The following DGKI variants were observed in gnomAD, a reference collection of about 807,000 sequenced individuals.
The protein encoded by DGKI is DAG kinase iota.
In DGKI, 55 loss-of-function variants were observed where a neutral mutation model predicts 147.5. That is an observed-to-expected ratio of 0.37 (90% confidence interval 0.30 to 0.47). DGKI has a LOEUF of 0.47. Among genes scored for constraint, DGKI ranks in the 20% least tolerant of loss-of-function variants. DGKI has a pLI of 1.00. For synonymous variants in DGKI, 469 were observed against 477.1 expected (o/e 0.98, Z 0.22); for missense variants, 1,007 against 1,323.8 (o/e 0.76, Z 3.71).
intron 6 of DGKI, among the ~76,000 whole-genome samples, chr7:137,632,692 A>C (rs972494645): frequency 2.6e-5 from 4 of 151,992 alleles, no homozygotes; most frequent in African/African-American, 7.2e-5. Flanking sequence ...CCCCGTCTCC[A>C]CTAAAAATAC....
At chr7:137,707,946 C>T (rs747945557) in intron 1 of DGKI, among the ~76,000 whole-genome samples, 1 of 152,138 alleles carries the variant, frequency 6.6e-6, no homozygotes, top group African/African-American at 2.4e-5. Flanking sequence ...TTTTTTGCCT[C>T]CAAATCTCCC....
intron 1 of DGKI, among the ~76,000 whole-genome samples, chr7:137,724,717 C>A (rs1290014746): frequency 6.6e-6 from 1 of 152,118 alleles, no homozygotes; most frequent in Non-Finnish European, 1.5e-5. Flanking sequence ...TGGTTTTGAA[C>A]AAATTGAGTT....
intron 17 of DGKI, among the ~76,000 whole-genome samples, chr7:137,576,676 A>T (rs1424847850): frequency 6.6e-6 from 1 of 152,218 alleles, no homozygotes; most frequent in Non-Finnish European, 1.5e-5. Flanking sequence ...TACACAAAAA[A>T]TCCATCTAGT....
In DGKI at chr7:137,743,705, C is replaced by T. The variant is rs914969190; in HGVS notation, c.402-53703G>A. Among the ~76,000 whole-genome samples the T allele has an allele frequency of 6.6e-5, 10 of 152,188 alleles. No homozygotes were observed. The East Asian group carries it at 7.7e-4, about 12-fold the overall frequency. On this transcript the variant is annotated intron_variant, in intron 1 of 32. Coordinates refer to ENST00000614521, the MANE Select transcript of DGKI (RefSeq NM_001321708.2). ...AAAACAAGAACAAACTAATCTTGGC[C>T]GGGCGCGGTGGCTGACACCTGTAAT...
chr7:137,618,151 A>ATATATATATATATATATTTTTT, intron 8 of DGKI, among the ~76,000 whole-genome samples: 9 of 10,462 alleles, frequency 8.6e-4, no homozygotes, highest in Admixed American at 3.6e-3. Context: ...ATATATATAT[A>ATATATATATATATATATTTTTT]TTTTTTTTTT....
At chr7:137,594,219 A>G (rs2128986739) in intron 12 of DGKI, among the ~76,000 whole-genome samples, 1 of 152,174 alleles carries the variant, frequency 6.6e-6, no homozygotes, top group East Asian at 1.9e-4. Flanking sequence ...ACTAATTTTT[A>G]TATTTTTAAT....
intron 27 of DGKI, among the ~76,000 whole-genome samples, chr7:137,450,262 A>C (rs1229568227): frequency 6.6e-6 from 1 of 152,216 alleles, no homozygotes; most frequent in Non-Finnish European, 1.5e-5. Context: ...ATTCTTAAAA[A>C]ATGCTAAGAG....
At chr7:137,795,364 C>A (rs1437670040) in intron 1 of DGKI, among the ~76,000 whole-genome samples, 1 of 152,168 alleles carries the variant, frequency 6.6e-6, no homozygotes, top group Non-Finnish European at 1.5e-5. Context: ...GGCCCATCCT[C>A]AGAGAATTAT....
At position 137,603,301 on chromosome 7, in the gene DGKI, A is replaced by C. The variant is rs376714992; in HGVS notation, c.1168-3396T>G. ...TCATCAATCTTCATCAAAGCACCAT[A>C]ACTCTAGTGTAGGTTGAAACTCTGC... On this transcript the variant is annotated intron_variant, in intron 10 of 32. Transcript: ENST00000614521. Among the ~76,000 whole-genome samples the C allele has an allele frequency of 2.4e-4, 36 of 152,290 alleles. 2 individuals are homozygous for C. The South Asian group carries it at 6.6e-3, about 28-fold the overall frequency.
intron 6 of DGKI, among the ~76,000 whole-genome samples, chr7:137,631,550 T>C (rs528137843): frequency 6.6e-6 from 1 of 152,210 alleles, no homozygotes; most frequent in Non-Finnish European, 1.5e-5. Context: ...CACTATGTAC[T>C]AGCAGGAATG....
rs1812399907 is a variant in DGKI, at chr7:137,417,422, A to T, written c.2762-5215T>A. Among the ~76,000 whole-genome samples the T allele has an allele frequency of 4.6e-5, 7 of 152,186 alleles. No individual in the cohort carries two copies. The South Asian group carries it at 1.4e-3, about 32-fold the overall frequency. On this transcript the variant is annotated intron_variant, in intron 28 of 32. Coordinates refer to ENST00000614521, the MANE Select transcript of DGKI (RefSeq NM_001321708.2). ...CCTTCTATGCTGTATCTTCAAATAA[A>T]TTGTTTTTCAGTACACATACCAACA...
intron 1 of DGKI, among the ~76,000 whole-genome samples, chr7:137,752,496 A>G (rs1795530210): frequency 6.6e-6 from 1 of 152,212 alleles, no homozygotes; most frequent in Non-Finnish European, 1.5e-5. Flanking sequence ...AAAAACTAAA[A>G]GGCAGAAATG....
At chr7:137,830,119 A>C (rs1798175679) in intron 1 of DGKI, among the ~76,000 whole-genome samples, 1 of 152,362 alleles carries the variant, frequency 6.6e-6, no homozygotes, top group East Asian at 1.9e-4. Flanking sequence ...GCCAGTCTTA[A>C]GTGAAATGGC....
At chr7:137,578,745 T>C (rs907287166) in intron 15 of DGKI, among the ~76,000 whole-genome samples, 2 of 152,110 alleles carry the variant, frequency 1.3e-5, no homozygotes, top group South Asian at 2.1e-4. Flanking sequence ...CGGGCTGAGA[T>C]AACAGGAAAA....
At chr7:137,793,542 C>T (rs191407027) in intron 1 of DGKI, among the ~76,000 whole-genome samples, 2 of 152,162 alleles carry the variant, frequency 1.3e-5, no homozygotes, top group African/African-American at 4.8e-5. Flanking sequence ...CTCAGGTGAT[C>T]CACCCGCCTT....
At chr7:137,544,417 C>A (rs535910095) in intron 20 of DGKI, among the ~76,000 whole-genome samples, 7 of 152,248 alleles carry the variant, frequency 4.6e-5, no homozygotes, top group South Asian at 2.1e-4. Flanking sequence ...CCTATTGATT[C>A]TTTGACTGCT....
At chr7:137,476,869 C>G (rs1815189818) in intron 23 of DGKI, among the ~76,000 whole-genome samples, 1 of 152,116 alleles carries the variant, frequency 6.6e-6, no homozygotes, top group South Asian at 2.1e-4. Flanking sequence ...AGCTCATGAC[C>G]TTATGCACAG....
intron 20 of DGKI, among the ~76,000 whole-genome samples, chr7:137,549,625 T>A (rs1392580304): frequency 6.6e-6 from 1 of 152,248 alleles, no homozygotes; most frequent in Non-Finnish European, 1.5e-5. Context: ...CAAGTTTCTC[T>A]TTCTTCATTG....
chr7:137,804,069 C>T (rs963072856), intron 1 of DGKI, among the ~76,000 whole-genome samples: 8 of 152,208 alleles, frequency 5.3e-5, no homozygotes, highest in African/African-American at 1.9e-4. Context: ...GGGAAGCACT[C>T]AACAGTAAGC....
Sources: gnomAD v4.1 joint callset for allele counts (sites outside exome capture counted in the v4.1 genomes callset) on GRCh38, gnomAD v4.1.1 for gene constraint, MANE v1.5 for transcripts, NCBI Gene and HGNC (gene_info 2026-07-23, HGNC 2026-07-21) for gene names.